The following CCDC149 variants were observed in gnomAD, a reference collection of about 807,000 sequenced individuals.
CCDC149 encodes the protein coiled-coil domain containing 149, also known as coiled-coil domain-containing protein 149.
A neutral mutation model predicts 59.9 loss-of-function variants in CCDC149; 45 were observed. The ratio of observed to expected loss-of-function variants is 0.75; its 90% CI spans 0.59 to 0.96. CCDC149 has a LOEUF of 0.96. Among genes scored for constraint, CCDC149 ranks in the 40% least tolerant of loss-of-function variants. CCDC149 has a pLI of 0.00. For synonymous variants in CCDC149, 245 were observed against 260.6 expected (o/e 0.94, Z 0.58); for missense variants, 584 against 664.7 (o/e 0.88, Z 1.33).
chr4:24,881,588 T>C (rs1694907771), intron 1 of CCDC149, among the ~76,000 whole-genome samples: 1 of 152,154 alleles, frequency 6.6e-6, no homozygotes, highest in African/African-American at 2.4e-5. Context: ...ATTTGAGGGT[T>C]TGTTACTGAA....
intron 1 of CCDC149, among the ~76,000 whole-genome samples, chr4:24,912,000 G>A: frequency 6.6e-6 from 1 of 152,140 alleles, no homozygotes; most frequent in East Asian, 1.9e-4. Context: ...CACAAATGGT[G>A]GCAAACCAGG....
chr4:24,848,939 T>G (rs1217550273), intron 4 of CCDC149, among the ~76,000 whole-genome samples: 1 of 152,160 alleles, frequency 6.6e-6, no homozygotes, highest in Non-Finnish European at 1.5e-5. Context: ...AACCGAGAGC[T>G]GCACTAACCC....
chr4:24,917,873 G>A (rs988709792), upstream of CCDC149, among the ~76,000 whole-genome samples: 1 of 152,076 alleles, frequency 6.6e-6, no homozygotes, highest in Non-Finnish European at 1.5e-5. Flanking sequence ...AAATGGAAAC[G>A]CAGAGAGGCA....
chr4:24,873,637 G>A (rs1177605119), intron 3 of CCDC149, 44 bp downstream of exon 3: 2 of 1,311,982 alleles, frequency 1.5e-6, no homozygotes, highest in East Asian at 2.3e-5. Flanking sequence ...CCCAATTGCT[G>A]CTAGGTATCA....
intron 1 of CCDC149, among the ~76,000 whole-genome samples, chr4:24,975,188 C>A (rs1423485400): frequency 6.6e-6 from 1 of 151,794 alleles, no homozygotes; most frequent in Non-Finnish European, 1.5e-5. Flanking sequence ...AATTTCTGTT[C>A]TTTATTAATT....
chr4:24,905,591 ACGCC>A (rs1721453205), intron 1 of CCDC149, among the ~76,000 whole-genome samples: 2 of 116,834 alleles, frequency 1.7e-5, no homozygotes, highest in South Asian at 2.8e-4. Flanking sequence ...GCGTGCCACC[ACGCC>A]CAGCTAATTT....
rs1034250553 is a variant in CCDC149 at position 24,825,953 on chromosome 4, T to C, written c.966-3380A>G. Among the ~76,000 whole-genome samples the C allele has an allele frequency of 2.6e-5, 4 of 151,910 alleles. No individual in the cohort carries two copies. The East Asian group carries it at 7.8e-4, about 30-fold the overall frequency. The stretch of plus-strand genomic sequence containing the variant: ...GAAAGAGTGAAGAGGTTTTTTGTTG[T>C]TGTTTTGTTTTGTTTTTTAAGAGAC... On this transcript the variant is annotated intron_variant, in intron 9 of 12. Transcript: ENST00000635206.
intron 1 of CCDC149, among the ~76,000 whole-genome samples, chr4:24,952,614 AAAAAAAAAAAAAATATATAT>A (rs1723332609): frequency 5.3e-5 from 2 of 37,908 alleles, no homozygotes; most frequent in African/African-American, 2.1e-4. Context: ...AAAAAAAAAA[AAAAAAAAAAAAAATATATAT>A]ATATATATAT....
At chr4:24,944,630 A>C (rs1035735610) in intron 1 of CCDC149, among the ~76,000 whole-genome samples, 3 of 152,098 alleles carry the variant, frequency 2.0e-5, no homozygotes, top group Admixed American at 2.0e-4. Context: ...GCATTAGGAC[A>C]AATACCTAAT....
rs11382183 is a variant in CCDC149, at chr4:24,866,789, CA to C, written c.264+6891del. ...TCCTTTAACGCGAAGACCCAAAAAG[CA>C]AAAAAAAAAAAAAAATATACACACA... On this transcript the variant is annotated intron_variant, in intron 3 of 12. Coordinates refer to ENST00000635206, the MANE Select transcript of CCDC149 (RefSeq NM_001330643.2). 5.0e-3 allele frequency among the ~76,000 whole-genome samples: 646 copies of C among 129,656 alleles called. 8 individuals carry two copies. The highest frequency in any genetic ancestry group is 0.016 in the African/African-American group (527 of 33,590). 85.1% of individuals were successfully genotyped at this position (129,656 alleles called of 152,430 possible).
intron 7 of CCDC149, 82 bp downstream of exon 7, chr4:24,836,354 G>T: frequency 2.1e-6 from 2 of 947,212 alleles, no homozygotes; most frequent in Non-Finnish European, 3.4e-6. Context: ...AAATATCTTT[G>T]GCACATAGAA....
At chr4:24,882,001 A>C (rs1004625859) in intron 1 of CCDC149, among the ~76,000 whole-genome samples, 11 of 152,258 alleles carry the variant, frequency 7.2e-5, no homozygotes, top group Admixed American at 2.6e-4. Context: ...ACCCCCAAAA[A>C]TCAGAATATT....
At chr4:24,876,115 T>C (rs1719403879) in intron 2 of CCDC149, among the ~76,000 whole-genome samples, 1 of 152,064 alleles carries the variant, frequency 6.6e-6, no homozygotes, top group Non-Finnish European at 1.5e-5. Context: ...ACTTAGGAGC[T>C]GGTTTGGCTA....
intron 3 of CCDC149, among the ~76,000 whole-genome samples, chr4:24,866,385 C>T (rs574835823): frequency 6.6e-6 from 1 of 152,218 alleles, no homozygotes; most frequent in South Asian, 2.1e-4. Flanking sequence ...GAAAATGTAC[C>T]TCTGTGACCT....
chr4:24,811,014 G>A (rs1284867226), intron 12 of CCDC149, among the ~76,000 whole-genome samples: 2 of 152,022 alleles, frequency 1.3e-5, no homozygotes, highest in Non-Finnish European at 2.9e-5. Context: ...CATCAACAGG[G>A]GATTATGTAT....
chr4:24,863,570 G>C (rs1034296177), intron 3 of CCDC149, among the ~76,000 whole-genome samples: 3 of 152,210 alleles, frequency 2.0e-5, no homozygotes, highest in African/African-American at 7.2e-5. Flanking sequence ...AGTGCAGAAA[G>C]TAGAAAAGTT....
chr4:24,925,511 GTTTTA>G (rs1174616851), intron 1 of CCDC149, among the ~76,000 whole-genome samples: 3 of 151,952 alleles, frequency 2.0e-5, no homozygotes, highest in African/African-American at 7.3e-5. Context: ...GTTTTGTTTC[GTTTTA>G]TTTTGTTTTA....
chr4:24,894,921 G>C, intron 1 of CCDC149: 2 of 1,528,062 alleles, frequency 1.3e-6, no homozygotes, highest in South Asian at 2.4e-5. Flanking sequence ...CTTTCTGATA[G>C]TGGGGAAAAA....
intron 1 of CCDC149, among the ~76,000 whole-genome samples, chr4:24,979,444 G>A (rs1054895612): frequency 6.6e-6 from 1 of 152,202 alleles, no homozygotes; most frequent in Non-Finnish European, 1.5e-5. Flanking sequence ...GGAGAGAAGT[G>A]GGGTCCTTGG....
Sources: gnomAD v4.1 joint callset for allele counts (sites outside exome capture counted in the v4.1 genomes callset) on GRCh38, gnomAD v4.1.1 for gene constraint, MANE v1.5 for transcripts, NCBI Gene and HGNC (gene_info 2026-07-23, HGNC 2026-07-21) for gene names.